The following CAP1 variants were observed in gnomAD, a reference collection of about 807,000 sequenced individuals.
CAP1 encodes the protein cyclase associated actin cytoskeleton regulatory protein 1.
Under a neutral mutation model 58.2 loss-of-function variants are expected in CAP1, and 11 were observed. That is an observed-to-expected ratio of 0.19 (90% CI 0.12 to 0.31). The LOEUF is 0.31. CAP1 is among the 10% of genes least tolerant of loss of function. The pLI, the probability that CAP1 is intolerant of heterozygous loss-of-function variation, is 1.00. For missense variants in CAP1, 423 were observed against 587.5 expected, an observed-to-expected ratio of 0.72 and a Z score of 2.89; for synonymous variants, 183 against 213.8, an observed-to-expected ratio of 0.86 and a Z score of 1.26.
chr1:40,057,494 A>G (rs915281925), intron 1 of CAP1: 3 of 152,118 alleles, frequency 2.0e-5, no homozygotes, highest in Admixed American at 2.0e-4. Flanking sequence ...AGGAATGGAA[A>G]GGTTTGTTTG....
chr1:40,056,366 A>G (rs1646618001), intron 1 of CAP1, among the ~76,000 whole-genome samples: 1 of 150,976 alleles, frequency 6.6e-6, no homozygotes, highest in East Asian at 1.9e-4. Context: ...TACAATCACT[A>G]CTCATTGCAT....
intron 7 of CAP1, chr1:40,067,259 C>T (rs1489651683): frequency 1.8e-5 from 7 of 381,168 alleles, no homozygotes; most frequent in Admixed American, 4.5e-5. Flanking sequence ...TGGTAACACA[C>T]TAAGGAAGAT....
At chr1:40,058,037 G>A (rs1396046350) in intron 1 of CAP1, among the ~76,000 whole-genome samples, 3 of 152,182 alleles carry the variant, frequency 2.0e-5, no homozygotes, top group African/African-American at 7.2e-5. Flanking sequence ...TCTACTACCT[G>A]CCAGGTAGTA....
intron 4 of CAP1, among the ~76,000 whole-genome samples, chr1:40,062,992 T>C (rs3122421): frequency 0.7 from 106,423 of 151,616 alleles, 37,513 homozygotes; most frequent in Non-Finnish European, 0.74. Flanking sequence ...ATTTTATTTA[T>C]GTTTAAAAAA....
intron 6 of CAP1, among the ~76,000 whole-genome samples, chr1:40,064,789 G>A: frequency 6.6e-6 from 1 of 152,040 alleles, no homozygotes; most frequent in East Asian, 1.9e-4. Context: ...TTCCCAGGCT[G>A]GTCTCTAATG....
chr1:40,048,878 TACC>T (rs1646227934), intron 1 of CAP1, among the ~76,000 whole-genome samples: 1 of 152,204 alleles, frequency 6.6e-6, no homozygotes, highest in Non-Finnish European at 1.5e-5. Context: ...TCAATTGGGC[TACC>T]ATAGTAGACA....
chr1:40,048,283 T>C (rs1156917395), intron 1 of CAP1, among the ~76,000 whole-genome samples: 1 of 152,214 alleles, frequency 6.6e-6, no homozygotes. Context: ...CCTCAGGTGA[T>C]CTGCCCTTCT....
Position 40,069,788 on chromosome 1 carries a change from C to T in CAP1, c.907C>T (p.Pro303Ser), listed in dbSNP as rs771182811. 1.9e-6 allele frequency: 3 copies of T among 1,612,098 alleles called. No individual in the cohort carries two copies. Among genetic ancestry groups the T allele is most frequent in the Admixed American group, 1.7e-5 (1 of 59,526 alleles). ...VRSGPKPFSA[P>S]KPQTSPSPKR... ...CAGTGGCCCCAAACCATTCTCTGCACCTAAACCCCAAACCAGCCCATCCCC... is the reference window on the plus strand; with the variant it reads ...CAGTGGCCCCAAACCATTCTCTGCATCTAAACCCCAAACCAGCCCATCCCC... Residue 303 changes from proline (P) to serine (S), a missense_variant, in exon 9 of 13, where the codon CCT (proline) becomes TCT (serine). By Grantham distance (74) the Pro-to-Ser change is moderately conservative. Coordinates refer to ENST00000372805, the MANE Select transcript of CAP1 (RefSeq NM_006367.4).
chr1:40,043,119 G>C (rs1486642497), intron 1 of CAP1, among the ~76,000 whole-genome samples: 1 of 152,222 alleles, frequency 6.6e-6, no homozygotes, highest in Non-Finnish European at 1.5e-5. Context: ...AAATTGTTCA[G>C]TGATACTGGG....
intron 1 of CAP1, among the ~76,000 whole-genome samples, chr1:40,047,140 TAATCCCA>T (rs1646145331): frequency 9.3e-6 from 1 of 108,104 alleles, no homozygotes; most frequent in African/African-American, 5.0e-5. Flanking sequence ...AATCCCCATA[TAATCCCA>T]TATAATCTTA....
chr1:40,043,466 G>T (rs1213397230), intron 1 of CAP1, among the ~76,000 whole-genome samples: 1 of 152,162 alleles, frequency 6.6e-6, no homozygotes, highest in Non-Finnish European at 1.5e-5. Flanking sequence ...AAAGTGTTGT[G>T]ATTACAGGTG....
At chr1:40,059,494 G>A in intron 2 of CAP1, 36 bp downstream of exon 2, 1 of 1,291,622 alleles carries the variant, frequency 7.7e-7, no homozygotes, top group South Asian at 1.2e-5. Context: ...TGCTTTCTTT[G>A]AGCGTCTTGG....
At chr1:40,041,719 G>A (rs1346651019) in intron 1 of CAP1, among the ~76,000 whole-genome samples, 15 of 152,206 alleles carry the variant, frequency 9.9e-5, no homozygotes, top group Admixed American at 9.2e-4. Flanking sequence ...ACAAAACAAT[G>A]TAGACCCTGC....
chr1:40,050,706 C>T (rs1016734846), intron 1 of CAP1, among the ~76,000 whole-genome samples: 1 of 151,984 alleles, frequency 6.6e-6, no homozygotes, highest in African/African-American at 2.4e-5. Flanking sequence ...TTTGTAGTAG[C>T]ATTATTTTAG....
chr1:40,067,527 C>T lies in CAP1; in HGVS notation c.631-13C>T, dbSNP rs768042794. ...AGAGAGGATGATGATGTTACCTGCA[C>T]TTATTGTTCCAGGGGCCTGTGGCAA... On this transcript the variant is annotated splice_polypyrimidine_tract_variant and intron_variant, in intron 7 of 12. Coordinates refer to ENST00000372805, the MANE Select transcript of CAP1 (RefSeq NM_006367.4). 2.5e-6 allele frequency: 4 copies of T among 1,601,158 alleles called. No individual in the cohort carries two copies. In the East Asian group the frequency reaches 6.8e-5, roughly 27 times the overall value.
In CAP1 at chr1:40,071,798, T is replaced by G; in HGVS notation, c.*265T>G. 3.9e-6 allele frequency: 2 copies of G among 517,826 alleles called. No individual in the cohort carries two copies. Among genetic ancestry groups the G allele is most frequent in the Non-Finnish European group, 6.8e-6 (2 of 292,418 alleles). The allele number at this position is 517,826 out of a possible 1,614,324, so 32.1% of individuals were successfully genotyped here. A position where few individuals can be genotyped will look rare whatever the true frequency, so the allele number is the denominator to read the frequency against. ...AGTCCATTCTTAAGGAACTGCCGAC[T>G]AGGACTGATGATGCATTTTAGCTTT... On this transcript the variant is annotated 3_prime_UTR_variant, in exon 13 of 13. Coordinates refer to ENST00000372805, the MANE Select transcript of CAP1 (RefSeq NM_006367.4).
intron 8 of CAP1, among the ~76,000 whole-genome samples, chr1:40,069,396 A>G (rs560932605): frequency 5.5e-4 from 84 of 151,918 alleles, no homozygotes; most frequent in African/African-American, 2.0e-3. Flanking sequence ...TAAAAATTAT[A>G]TATTTGTGCA....
At chr1:40,062,144 G>C (rs1276512921) in intron 4 of CAP1, among the ~76,000 whole-genome samples, 1 of 152,112 alleles carries the variant, frequency 6.6e-6, no homozygotes, top group Non-Finnish European at 1.5e-5. Flanking sequence ...CACTGTGGAT[G>C]GGCTTTAGTA....
In CAP1 at chr1:40,050,528, G is replaced by A. The variant is rs61781895; in HGVS notation, c.-10-8809G>A. Among the ~76,000 whole-genome samples, 582 of 150,934 alleles carry A rather than the reference G, an allele frequency of 3.9e-3. 14 individuals carry two copies. The highest frequency in any genetic ancestry group is 0.036 in the East Asian group (180 of 5,008). ...ACAAAAATTCGCCGGGCGTGGTGGT[G>A]CATGCCTGTAGTTCCAGCTACTCGG... On this transcript the variant is annotated intron_variant, in intron 1 of 12. Transcript: ENST00000372805.
Sources: allele counts gnomAD v4.1 joint callset (sites outside exome capture counted in the v4.1 genomes callset), GRCh38; gene constraint gnomAD v4.1.1; transcripts MANE v1.5; gene names NCBI Gene and HGNC (gene_info 2026-07-23, HGNC 2026-07-21).